The following AKAP11 variants were observed in gnomAD, a reference collection of about 807,000 sequenced individuals.
The protein encoded by AKAP11 is A-kinase anchor protein 11.
A neutral mutation model predicts 146.1 loss-of-function variants in AKAP11; 36 were observed. That is an observed-to-expected ratio of 0.25 (90% CI 0.19 to 0.33). The LOEUF is 0.33. Among genes scored for constraint, AKAP11 ranks in the 10% least tolerant of loss-of-function variants. The pLI is 1.00. For synonymous variants in AKAP11, 780 were observed against 786.5 expected (o/e 0.99, Z 0.14); for missense variants, 2,201 against 2,197.0 (o/e 1.00, Z -0.04).
chr13:42,294,051 G>GT (rs1386646471), intron 4 of AKAP11, among the ~76,000 whole-genome samples: 1 of 152,158 alleles, frequency 6.6e-6, no homozygotes, highest in African/African-American at 2.4e-5. Flanking sequence ...ATGCCTAGAA[G>GT]TTAACTGTAT....
chr13:42,308,297 T>C (rs181313681), intron 8 of AKAP11, among the ~76,000 whole-genome samples, 157 bp from the exon 9 acceptor site: 100 of 152,322 alleles, frequency 6.6e-4, no homozygotes, highest in African/African-American at 2.3e-3. Context: ...ACAGTCTGTT[T>C]GTTGGCAGAC....
At chr13:42,289,258 C>T (rs1959187955) in intron 3 of AKAP11, among the ~76,000 whole-genome samples, 1 of 152,144 alleles carries the variant, frequency 6.6e-6, no homozygotes, top group Non-Finnish European at 1.5e-5. Context: ...CCCTCATTCA[C>T]CTTAGATGAA....
In AKAP11 at chr13:42,278,808, T is replaced by C; in HGVS notation, c.-100+6580T>C. On this transcript the variant is annotated intron_variant, in intron 1 of 12. Coordinates refer to ENST00000025301, the MANE Select transcript of AKAP11 (RefSeq NM_016248.4). ...TGTTTTACTTTGCCTGAAGAATTTC[T>C]TTCCATAGTTACTCTAGTGGTGGTC... is the stretch of plus-strand genomic sequence containing the variant. 1.3e-5 allele frequency among the ~76,000 whole-genome samples: 2 copies of C among 152,262 alleles called. 1 individual carries two copies. Among genetic ancestry groups the C allele is most frequent in the Non-Finnish European group, 2.9e-5 (2 of 68,042 alleles).
rs1959166398 is a variant in AKAP11, at chr13:42,286,379, A to G, written c.31A>G (p.Thr11Ala). Residue 11 changes from threonine (T) to alanine (A), a missense_variant, in exon 3 of 13, where the codon ACT becomes GCT. Thr to Ala is a moderately conservative substitution (Grantham distance 58, BLOSUM62 0). This residue lies in a region of AKAP11 where 331 missense variants were observed against 347.4 expected (regional missense o/e 0.95). Coordinates refer to ENST00000025301, the MANE Select transcript of AKAP11 (RefSeq NM_016248.4). Reference protein sequence around the residue: MATFRNNHMKTKASVRKSFSE... With the variant: MATFRNNHMKAKASVRKSFSE... ...GACTTTCAGAAACAATCACATGAAGACTAAAGCATCTGTCAGAAAAGTAAG... is the reference window on the plus strand; with the variant it reads ...GACTTTCAGAAACAATCACATGAAGGCTAAAGCATCTGTCAGAAAAGTAAG... The G allele has an allele frequency of 1.9e-6, 3 of 1,602,358 alleles. No homozygotes were observed. Among genetic ancestry groups the G allele is most frequent in the Non-Finnish European group, 2.6e-6 (3 of 1,175,486 alleles).
chr13:42,272,913 T>C (rs1958814482), intron 1 of AKAP11, among the ~76,000 whole-genome samples: 1 of 152,248 alleles, frequency 6.6e-6, no homozygotes, highest in South Asian at 2.1e-4. Flanking sequence ...ACCGAAGTAT[T>C]AAAAAGTGAC....
chr13:42,299,388 C>T lies in AKAP11; in HGVS notation c.642C>T (p.Ser214=). 6.2e-7 allele frequency: 1 copy of T among 1,613,480 alleles called. No individual in the cohort carries two copies. The highest frequency in any genetic ancestry group is 1.1e-5 in the South Asian group (1 of 91,016). The change falls in exon 8 of 13, where the codon AGC becomes AGT. Residue 214 remains serine, a synonymous_variant. Transcript: ENST00000025301. ...GAATGAACATTACTGTGCTAAGGAGCCAGTGTGATGCTGCTTCCCAGACGG... is the reference window on the plus strand; with the variant it reads ...GAATGAACATTACTGTGCTAAGGAGTCAGTGTGATGCTGCTTCCCAGACGG... The part of the protein sequence containing the change: ...NDGMNITVLR[S]QCDAASQTVT...
chr13:42,303,496 G>T lies in AKAP11; in HGVS notation c.4750G>T (p.Gly1584Cys). ...TGCAGAAAAGTTGTCACCTCTTACAGGTCAAGCTTGCAGATACTGTGACCT... is the reference window on the plus strand; with the variant it reads ...TGCAGAAAAGTTGTCACCTCTTACATGTCAAGCTTGCAGATACTGTGACCT... ...TYAEKLSPLT[G>C]QACRYCDLKE... The change falls in exon 8 of 13, where the codon GGT becomes TGT. Residue 1584 changes from glycine to cysteine, a missense_variant. Transcript: ENST00000025301. The T allele has an allele frequency of 6.2e-7, 1 of 1,614,188 alleles. No homozygotes were observed. Among genetic ancestry groups the T allele is most frequent in the Non-Finnish European group, 8.5e-7 (1 of 1,180,032 alleles).
chr13:42,313,157 C>T, intron 10 of AKAP11, 27 bp downstream of exon 10: 1 of 1,530,136 alleles, frequency 6.5e-7, no homozygotes, highest in Non-Finnish European at 9.0e-7. Flanking sequence ...AACTTAAAAA[C>T]TGATGAGTCT....
chr13:42,317,701 C>G lies in AKAP11; in HGVS notation c.5565+13C>G. 1 of 1,611,046 alleles carries G rather than the reference C, an allele frequency of 6.2e-7. No homozygotes were observed. The highest frequency in any genetic ancestry group is 8.5e-7 in the Non-Finnish European group (1 of 1,178,676). On this transcript the variant is annotated intron_variant, in intron 12 of 12. Coordinates refer to ENST00000025301, the MANE Select transcript of AKAP11 (RefSeq NM_016248.4). ...GGAGTTTATGCTAGTAAGTACCTAC[C>G]TTACAGAGTGTGAGGATACATTTAA...
chr13:42,285,631 T>C (rs1959153289), intron 1 of AKAP11, among the ~76,000 whole-genome samples: 1 of 152,208 alleles, frequency 6.6e-6, no homozygotes, highest in Admixed American at 6.5e-5. Flanking sequence ...GGATTTAAGT[T>C]CTCAAAGATG....
chr13:42,313,178 A>G, intron 10 of AKAP11, 48 bp downstream of exon 10: 1 of 1,350,968 alleles, frequency 7.4e-7, no homozygotes, highest in Non-Finnish European at 1.0e-6. Context: ...GTCACCACTA[A>G]TGCATGATGT....
At position 42,313,108 on chromosome 13, in the gene AKAP11, T is replaced by C. The variant is rs981525568; in HGVS notation, c.5335T>C (p.Leu1779=). 1.2e-6 allele frequency: 2 copies of C among 1,613,010 alleles called. No individual in the cohort carries two copies. The highest frequency in any genetic ancestry group is 2.7e-5 in the African/African-American group (2 of 74,874). Residue 1779 remains leucine, a synonymous_variant, in exon 10 of 13, where the codon TTA becomes CTA. Transcript: ENST00000025301. ...AGAAGGAGATTTGTATGAGGACAAT[T>C]TATCCTTTCCAACATCAGACAGGTT... The part of the protein sequence containing the change: ...GLEGDLYEDN[L]SFPTSDSDGP...
intron 8 of AKAP11, among the ~76,000 whole-genome samples, chr13:42,306,958 T>A (rs944164283): frequency 2.0e-5 from 3 of 152,162 alleles, no homozygotes; most frequent in Admixed American, 6.6e-5. Flanking sequence ...AGTGCTGAGA[T>A]TGCAAGCATG....
chr13:42,277,332 C>T (rs1390659058), intron 1 of AKAP11, among the ~76,000 whole-genome samples: 1 of 152,158 alleles, frequency 6.6e-6, no homozygotes, highest in East Asian at 1.9e-4. Flanking sequence ...ATCCTCCTGC[C>T]TTCATCTGAT....
intron 1 of AKAP11, among the ~76,000 whole-genome samples, chr13:42,283,311 C>T (rs529635368): frequency 2.2e-4 from 33 of 152,244 alleles, no homozygotes; most frequent in African/African-American, 7.9e-4. Context: ...AACTGTTTCT[C>T]TTTCATTAAT....
intron 1 of AKAP11, among the ~76,000 whole-genome samples, chr13:42,275,367 A>G (rs1398684187): frequency 6.6e-6 from 1 of 152,234 alleles, no homozygotes; most frequent in East Asian, 1.9e-4. Context: ...TTATGTTTCT[A>G]GAGAGAGAAT....
In AKAP11 at chr13:42,297,101, C is replaced by T. The variant is rs760592099; in HGVS notation, c.270C>T (p.Phe90=). The T allele has an allele frequency of 3.1e-6, 5 of 1,589,512 alleles. No homozygotes were observed. In the African/African-American group the frequency reaches 4.1e-5, roughly 13 times the overall value. Reference sequence around the variant, plus strand: ...CAGATATTCTGAATTCACTCCACTTCTGCAGTCTAAATGAAAATGAAATTA... The same window carrying T: ...CAGATATTCTGAATTCACTCCACTTTTGCAGTCTAAATGAAAATGAAATTA... The part of the protein sequence containing the change: ...ELPDILNSLH[F]CSLNENEIIC... Residue 90 remains phenylalanine, a synonymous_variant, in exon 6 of 13, where the codon TTC becomes TTT. Transcript: ENST00000025301.
chr13:42,291,619 AT>A (rs1959217706), intron 3 of AKAP11, among the ~76,000 whole-genome samples: 1 of 152,122 alleles, frequency 6.6e-6, no homozygotes, highest in Non-Finnish European at 1.5e-5. Context: ...TTTGAGAGAG[AT>A]TTATTAGGAC....
In AKAP11 at chr13:42,301,638, T is replaced by G; in HGVS notation, c.2892T>G (p.Asn964Lys). The change falls in exon 8 of 13, where the codon AAT (asparagine) becomes AAG (lysine). Residue 964 changes from asparagine to lysine, a missense_variant. Around this residue, in one of 3 missense-constraint regions of AKAP11, gnomAD observed 1,867 missense variants for 1,833.5 expected, o/e 1.02. Transcript: ENST00000025301. ...SKSVIPNIDKNAVYKESLPVS... is the reference protein window; with the variant it reads ...SKSVIPNIDKKAVYKESLPVS... ...CAGTGATCCCAAATATAGATAAAAA[T>G]GCAGTATACAAGGAAAGCTTGCCTG... 1 of 1,614,024 alleles carries G rather than the reference T, an allele frequency of 6.2e-7. No individual in the cohort carries two copies. Among genetic ancestry groups the G allele is most frequent in the Non-Finnish European group, 8.5e-7 (1 of 1,179,978 alleles).
Sources: gnomAD v4.1 joint callset for allele counts (sites outside exome capture counted in the v4.1 genomes callset) on GRCh38, gnomAD v4.1.1 for gene constraint, gnomAD v4.1.1 regional missense constraint, MANE v1.5 for transcripts, NCBI Gene and HGNC (gene_info 2026-07-23, HGNC 2026-07-21) for gene names.